Variants in ADAMDEC1 observed in about 807,000 individuals in gnomAD.
ADAMDEC1 encodes ADAM like decysin 1.
In ADAMDEC1, 62 loss-of-function variants were observed where a neutral mutation model predicts 60.4. That is an observed-to-expected ratio of 1.03 (90% CI 0.84 to 1.27). The LOEUF is 1.27. Ranked by LOEUF, ADAMDEC1 falls within the 50% of genes most tolerant of loss-of-function variation. The pLI is 0.00. For synonymous variants in ADAMDEC1, 210 were observed against 195.1 expected, an observed-to-expected ratio of 1.08 and a Z score of -0.64; for missense variants, 595 against 565.0, an observed-to-expected ratio of 1.05 and a Z score of -0.54.
Position 24,401,895 on chromosome 8 carries a change from G to C in ADAMDEC1, c.1143-20G>C, listed in dbSNP as rs753857967. 4 of 1,585,548 alleles carry C rather than the reference G, an allele frequency of 2.5e-6. No homozygotes were observed. The African/African-American group carries it at 5.4e-5, about 22-fold the overall frequency. On this transcript the variant is annotated intron_variant, in intron 11 of 13. Coordinates refer to ENST00000256412, the MANE Select transcript of ADAMDEC1 (RefSeq NM_014479.3). ...CACCACACTGTATATCATATTATTT[G>C]AGTTTTCTTCTGATTACAGTTCAAA...
rs553596276 is a variant in ADAMDEC1 at position 24,397,758 on chromosome 8, C to A, written c.690+13C>A. On this transcript the variant is annotated intron_variant, in intron 7 of 13. Transcript: ENST00000256412. Reference sequence around the variant, plus strand: ...GGATAATGCCTTTGTGAGTATGAAACACACGGCCCTCTCGGCCAGTTCAGT... The same window carrying A: ...GGATAATGCCTTTGTGAGTATGAAAAACACGGCCCTCTCGGCCAGTTCAGT... 1 of 1,610,164 alleles carries A rather than the reference C, an allele frequency of 6.2e-7. No individual in the cohort carries two copies. The highest frequency in any genetic ancestry group is 1.3e-5 in the African/African-American group (1 of 74,866).
intron 1 of ADAMDEC1, among the ~76,000 whole-genome samples, chr8:24,388,542 C>T (rs1443810365): frequency 1.3e-5 from 2 of 152,092 alleles, no homozygotes; most frequent in Non-Finnish European, 2.9e-5. Flanking sequence ...ATTTGGTGAA[C>T]TCCTACCTCA....
At chr8:24,393,179 G>A (rs1185721240) in intron 2 of ADAMDEC1, 83 bp from the exon 3 acceptor site, 1 of 794,804 alleles carries the variant, frequency 1.3e-6, no homozygotes, top group Non-Finnish European at 1.9e-6. Flanking sequence ...ATTTGTAATT[G>A]TTCTTCTAAT....
chr8:24,401,491 A>G (rs1208388158), intron 11 of ADAMDEC1, among the ~76,000 whole-genome samples: 1 of 152,192 alleles, frequency 6.6e-6, no homozygotes, highest in Admixed American at 6.6e-5. Flanking sequence ...ATGCTCACAA[A>G]GAAGGAGAGA....
At chr8:24,388,806 CA>C in intron 1 of ADAMDEC1, among the ~76,000 whole-genome samples, 1 of 152,192 alleles carries the variant, frequency 6.6e-6, no homozygotes. Flanking sequence ...AAATCTGCCC[CA>C]AAGCCCAAGG....
intron 1 of ADAMDEC1, among the ~76,000 whole-genome samples, chr8:24,385,113 A>T (rs1817260298): frequency 6.6e-6 from 1 of 152,278 alleles, no homozygotes; most frequent in East Asian, 1.9e-4. Context: ...TGATAGATGA[A>T]CCATTTTGAT....
At chr8:24,386,028 A>T (rs115072739) in intron 1 of ADAMDEC1, among the ~76,000 whole-genome samples, 3 of 152,052 alleles carry the variant, frequency 2.0e-5, no homozygotes, top group Admixed American at 1.3e-4. Context: ...GAAAAGTGAA[A>T]CTTGTTTCTA....
At chr8:24,385,059 G>C (rs931758312) in intron 1 of ADAMDEC1, among the ~76,000 whole-genome samples, 4 of 152,100 alleles carry the variant, frequency 2.6e-5, no homozygotes, top group Non-Finnish European at 5.9e-5. Context: ...ACTAGTTCTG[G>C]AAAAGGAACC....
chr8:24,391,223 T>A (rs975883370), intron 1 of ADAMDEC1, among the ~76,000 whole-genome samples: 1 of 152,214 alleles, frequency 6.6e-6, no homozygotes, highest in Non-Finnish European at 1.5e-5. Flanking sequence ...AAGATCACTC[T>A]GTCATACTGA....
chr8:24,394,784 T>G (rs1280999830), intron 4 of ADAMDEC1, among the ~76,000 whole-genome samples: 3 of 152,206 alleles, frequency 2.0e-5, no homozygotes, highest in Non-Finnish European at 4.4e-5. Flanking sequence ...TTGTTCCCCA[T>G]GCTCATTAAA....
rs566061544 is a variant in ADAMDEC1, at chr8:24,400,332, T to G, written c.1142+32T>G. 8.7e-5 allele frequency: 136 copies of G among 1,567,934 alleles called. No individual in the cohort carries two copies. The Admixed American group carries it at 1.3e-3, about 15-fold the overall frequency. ...CCTTGTCATCCTAAAAGGAGAGAGA[T>G]ATTTTCCAAATCTTTTTTTTTTCTG... On this transcript the variant is annotated intron_variant, in intron 11 of 13. Transcript: ENST00000256412.
intron 1 of ADAMDEC1, among the ~76,000 whole-genome samples, chr8:24,390,781 GTTTTA>G (rs1406522852): frequency 1.3e-5 from 2 of 151,560 alleles, no homozygotes; most frequent in African/African-American, 4.9e-5. Flanking sequence ...GTTGGATTTG[GTTTTA>G]TTTTTTTTTT....
At chr8:24,402,121 A>G (rs1817781362) in intron 12 of ADAMDEC1, 29 bp downstream of exon 12, 4 of 1,531,548 alleles carry the variant, frequency 2.6e-6, no homozygotes, top group Middle Eastern at 1.7e-4. Flanking sequence ...ATTGGGGCAG[A>G]AGAATTATGC....
rs939462790 is a variant in ADAMDEC1, at chr8:24,399,017, C to A, written c.906C>A (p.Ile302=). The part of the protein sequence containing the change: ...RWHSSNLGKK[I]HDHAQLLSGI... ...ACAGTTCTAACCTGGGGAAAAAGATCCACGACCATGCTCAGCTTCTCAGGT... is the reference window on the plus strand; with the variant it reads ...ACAGTTCTAACCTGGGGAAAAAGATACACGACCATGCTCAGCTTCTCAGGT... The change falls in exon 9 of 14, where the codon ATC becomes ATA. Residue 302 remains isoleucine (I), a synonymous_variant. Transcript: ENST00000256412. 3 of 1,613,122 alleles carry A rather than the reference C, an allele frequency of 1.9e-6. No homozygotes were observed. Among genetic ancestry groups the A allele is most frequent in the East Asian group, 4.5e-5 (2 of 44,776 alleles).
chr8:24,403,450 G>A (rs781644442), intron 12 of ADAMDEC1, among the ~76,000 whole-genome samples: 9 of 151,850 alleles, frequency 5.9e-5, no homozygotes, highest in East Asian at 3.9e-4. Flanking sequence ...TTGACAATGC[G>A]TTTTAATGTC....
At chr8:24,391,196 A>T (rs1250651802) in intron 1 of ADAMDEC1, among the ~76,000 whole-genome samples, 1 of 152,134 alleles carries the variant, frequency 6.6e-6, no homozygotes, top group African/African-American at 2.4e-5. Context: ...CCAGGTATAA[A>T]ATCTCCTGTT....
intron 4 of ADAMDEC1, 117 bp from the exon 5 acceptor site, chr8:24,395,603 T>C (rs1464277007): frequency 4.5e-6 from 3 of 667,394 alleles, no homozygotes; most frequent in Non-Finnish European, 4.9e-6. Context: ...ATATTCAAGA[T>C]GGTAGCTTTC....
Position 24,400,250 on chromosome 8 carries a change from A to G in ADAMDEC1, c.1092A>G (p.Pro364=). The stretch of plus-strand genomic sequence containing the variant: ...ATGTCCTTGGTATGCCTGATGTTCC[A>G]TTCAACACCAAGTGTCCCTCTGGCA... ...LGHVLGMPDV[P]FNTKCPSGSC... The change falls in exon 11 of 14, where the codon CCA becomes CCG. Residue 364 remains proline (P), a synonymous_variant. Coordinates refer to ENST00000256412, the MANE Select transcript of ADAMDEC1 (RefSeq NM_014479.3). 1.2e-6 allele frequency: 2 copies of G among 1,612,102 alleles called. No homozygotes were observed. The highest frequency in any genetic ancestry group is 1.7e-6 in the Non-Finnish European group (2 of 1,178,912).
At chr8:24,396,016 A>G (rs182563368) in intron 5 of ADAMDEC1, among the ~76,000 whole-genome samples, 1 of 152,324 alleles carries the variant, frequency 6.6e-6, no homozygotes, top group East Asian at 1.9e-4. Context: ...CAAGAATGCT[A>G]CACTCTGGAC....
Sources: gnomAD v4.1 joint callset for allele counts (sites outside exome capture counted in the v4.1 genomes callset) on GRCh38, gnomAD v4.1.1 for gene constraint, MANE v1.5 for transcripts, NCBI Gene and HGNC (gene_info 2026-07-23, HGNC 2026-07-21) for gene names.